The following ADGB variants were observed in gnomAD, a reference collection of about 807,000 sequenced individuals.
The protein encoded by ADGB is calpain-7-like protein.
Under a neutral mutation model 210.5 loss-of-function variants are expected in ADGB, and 172 were observed. The observed-to-expected ratio is 0.82, with a 90% CI of 0.72 to 0.93. The LOEUF is 0.93. Among genes scored for constraint, ADGB ranks in the 40% least tolerant of loss-of-function variants. The pLI is 0.00. For missense variants in ADGB, 2,025 were observed against 1,964.8 expected, an observed-to-expected ratio of 1.03 and a Z score of -0.58; for synonymous variants, 658 against 662.7, an observed-to-expected ratio of 0.99 and a Z score of 0.11.
chr6:146,635,926 T>C (rs1367930865), intron 2 of ADGB, among the ~76,000 whole-genome samples: 2 of 152,042 alleles, frequency 1.3e-5, no homozygotes, highest in Non-Finnish European at 2.9e-5. Context: ...ATAGGAAAGA[T>C]AATTTTTTAA....
chr6:146,642,621 G>A (rs975655535), intron 2 of ADGB, among the ~76,000 whole-genome samples: 3 of 151,918 alleles, frequency 2.0e-5, no homozygotes, highest in Non-Finnish European at 4.4e-5. Context: ...AACATGGATG[G>A]AGCTGGAGGC....
chr6:146,756,468 C>A (rs942830698), intron 27 of ADGB, among the ~76,000 whole-genome samples: 4 of 149,612 alleles, frequency 2.7e-5, no homozygotes, highest in Non-Finnish European at 4.4e-5. Flanking sequence ...TATTTGAAAT[C>A]TCTCTGTGTT....
chr6:146,738,644 T>G (rs1352421377), intron 23 of ADGB, among the ~76,000 whole-genome samples: 2 of 151,866 alleles, frequency 1.3e-5, no homozygotes, highest in African/African-American at 4.8e-5. Context: ...AAGACGGGGT[T>G]TCACCGTGTT....
chr6:146,749,113 G>A (rs1380469038), intron 26 of ADGB, among the ~76,000 whole-genome samples: 2 of 152,174 alleles, frequency 1.3e-5, no homozygotes, highest in South Asian at 2.1e-4. Context: ...AAGATATTGA[G>A]GTAAAATTGA....
chr6:146,714,218 G>A (rs962521771), intron 13 of ADGB, among the ~76,000 whole-genome samples: 6 of 152,128 alleles, frequency 3.9e-5, no homozygotes, highest in African/African-American at 1.4e-4. Flanking sequence ...CAGCTCAATG[G>A]CATGGCCAGA....
chr6:146,745,122 T>C (rs11155484), intron 25 of ADGB, among the ~76,000 whole-genome samples: 29,229 of 152,158 alleles, frequency 0.19, 3,415 homozygotes, highest in Middle Eastern at 0.29. Context: ...AAAAAATTCA[T>C]TCTGGCTTAT....
intron 26 of ADGB, among the ~76,000 whole-genome samples, chr6:146,751,946 C>G (rs1268793558): frequency 2.6e-5 from 4 of 152,064 alleles, no homozygotes; most frequent in Admixed American, 2.6e-4. Flanking sequence ...GCCAAAGTCT[C>G]TAATAACTCC....
intron 27 of ADGB, among the ~76,000 whole-genome samples, chr6:146,762,756 T>C (rs1777512893): frequency 1.3e-5 from 2 of 152,150 alleles, no homozygotes; most frequent in African/African-American, 4.8e-5. Context: ...AGCTCTACTC[T>C]TAAAGCTTGG....
At chr6:146,709,496 C>T (rs1262861760) in intron 13 of ADGB, among the ~76,000 whole-genome samples, 5 of 152,138 alleles carry the variant, frequency 3.3e-5, no homozygotes, top group Non-Finnish European at 2.9e-5. Context: ...CTGGCACTTG[C>T]GTCTGCAGGA....
rs142626355 is a variant in ADGB, at chr6:146,640,905, C to T, written c.238-3868C>T. On this transcript the variant is annotated intron_variant, in intron 2 of 35. Coordinates refer to ENST00000397944, the MANE Select transcript of ADGB (RefSeq NM_024694.4). ...TCTATTTAACATAGTATTGGAAGTC[C>T]TAGCCAGAGCAATCAGGCTAGACAA... 9.8e-4 allele frequency among the ~76,000 whole-genome samples: 149 copies of T among 152,028 alleles called. 2 individuals carry two copies. The East Asian group carries it at 0.011, about 11-fold the overall frequency.
At chr6:146,600,161 G>A (rs1458820610) in intron 1 of ADGB, among the ~76,000 whole-genome samples, 1 of 151,764 alleles carries the variant, frequency 6.6e-6, no homozygotes, top group Non-Finnish European at 1.5e-5. Flanking sequence ...CAGTTACCCG[G>A]CAGATAATCC....
chr6:146,685,316 A>G (rs1157311311), intron 9 of ADGB, among the ~76,000 whole-genome samples: 1 of 152,056 alleles, frequency 6.6e-6, no homozygotes, highest in African/African-American at 2.4e-5. Flanking sequence ...AAATGACAAA[A>G]TGACATAGAA....
chr6:146,626,633 T>G (rs1200587655), intron 1 of ADGB, among the ~76,000 whole-genome samples: 1 of 152,006 alleles, frequency 6.6e-6, no homozygotes, highest in African/African-American at 2.4e-5. Flanking sequence ...ATGAGAACTT[T>G]GCTGTTCTTT....
At chr6:146,677,897 G>C (rs926035741) in intron 9 of ADGB, among the ~76,000 whole-genome samples, 1 of 152,204 alleles carries the variant, frequency 6.6e-6, no homozygotes, top group African/African-American at 2.4e-5. Flanking sequence ...TCCAGGTAAA[G>C]TGCTTAGCAC....
chr6:146,678,705 T>C (rs1264334993), intron 9 of ADGB, among the ~76,000 whole-genome samples: 1 of 152,216 alleles, frequency 6.6e-6, no homozygotes, highest in Non-Finnish European at 1.5e-5. Context: ...TTTAGTTTTA[T>C]AATGGCAGAA....
At chr6:146,607,861 A>AT (rs1007259392) in intron 1 of ADGB, among the ~76,000 whole-genome samples, 1 of 151,286 alleles carries the variant, frequency 6.6e-6, no homozygotes, top group Admixed American at 6.6e-5. Flanking sequence ...TTGTTTTGGG[A>AT]TTTTTTACAT....
At chr6:146,670,930 T>C (rs554008061) in intron 7 of ADGB, among the ~76,000 whole-genome samples, 1 of 152,314 alleles carries the variant, frequency 6.6e-6, no homozygotes, top group South Asian at 2.1e-4. Context: ...ATACTTGAAT[T>C]TATCTCAAAG....
At chr6:146,651,937 G>A (rs9390411) in intron 3 of ADGB, among the ~76,000 whole-genome samples, 114,172 of 151,486 alleles carry the variant, frequency 0.75, 43,134 homozygotes, top group South Asian at 0.83. Flanking sequence ...CCTGACTTTA[G>A]GATAGCAGAA....
At chr6:146,653,449 T>A (rs1328154168) in intron 3 of ADGB, among the ~76,000 whole-genome samples, 1 of 152,142 alleles carries the variant, frequency 6.6e-6, no homozygotes, top group Non-Finnish European at 1.5e-5. Flanking sequence ...AATCTCTCAG[T>A]TTGTGTATCT....
Sources: gnomAD v4.1 joint callset for allele counts (sites outside exome capture counted in the v4.1 genomes callset) on GRCh38, gnomAD v4.1.1 for gene constraint, MANE v1.5 for transcripts, NCBI Gene and HGNC (gene_info 2026-07-23, HGNC 2026-07-21) for gene names.